CCT6B: variants seen among roughly 807,000 people sequenced by gnomAD.
CCT6B encodes chaperonin containing TCP1 subunit 6B.
CCT6B carries 49 observed loss-of-function variants against 61.5 expected under a neutral mutation model. The ratio of observed to expected loss-of-function variants is 0.80; its 90% CI spans 0.63 to 1.01. CCT6B has a LOEUF of 1.01. Ranked by LOEUF, CCT6B falls within the 50% of genes least tolerant of loss-of-function variation. The pLI is 0.00. For missense variants in CCT6B, 666 were observed against 634.7 expected (o/e 1.05, Z -0.53); for synonymous variants, 228 against 214.5 (o/e 1.06, Z -0.55).
intron 1 of CCT6B, among the ~76,000 whole-genome samples, chr17:34,959,876 A>G (rs1195526995): frequency 6.6e-6 from 1 of 152,254 alleles, no homozygotes; most frequent in African/African-American, 2.4e-5. Context: ...TTTAAAGATA[A>G]AAGCACTTGA....
At chr17:34,928,181 A>G in intron 13 of CCT6B, 64 bp from the exon 14 acceptor site, 1 of 983,414 alleles carries the variant, frequency 1.0e-6, no homozygotes, top group Non-Finnish European at 1.6e-6. Flanking sequence ...TTTCCCCAGC[A>G]ATCTTTACCT....
intron 7 of CCT6B, 58 bp downstream of exon 7, chr17:34,942,426 C>T (rs2090174101): frequency 2.8e-6 from 4 of 1,441,846 alleles, no homozygotes; most frequent in Non-Finnish European, 3.8e-6. Context: ...ACAGACCACA[C>T]TTCAAGAAAT....
chr17:34,943,793 A>T (rs1043649568), intron 5 of CCT6B: 4 of 145,084 alleles, frequency 2.8e-5, no homozygotes, highest in Non-Finnish European at 4.6e-5. Context: ...AATAAATTTA[A>T]AAAAAAAAAC....
At chr17:34,949,512 G>A (rs2090267332) in intron 5 of CCT6B, 3 of 148,262 alleles carry the variant, frequency 2.0e-5, no homozygotes, top group Non-Finnish European at 4.5e-5. Flanking sequence ...AAGGAAGGAG[G>A]GAGGGAGGGA....
Position 34,927,960 on chromosome 17 carries a change from T to C in CCT6B, c.*88A>G. The C allele has an allele frequency of 1.2e-6, 1 of 856,912 alleles. No individual in the cohort carries two copies. The highest frequency in any genetic ancestry group is 1.8e-6 in the Non-Finnish European group (1 of 558,056). The allele number at this position is 856,912 out of a possible 1,614,324, so 53.1% of individuals were successfully genotyped here. A position where few individuals can be genotyped will look rare whatever the true frequency, so the allele number is the denominator to read the frequency against. On this transcript the variant is annotated 3_prime_UTR_variant, in exon 14 of 14. Transcript: ENST00000314144. ...ATAAACTGCATTTATTGTGTAGAAATTCAGAATGGCTCAGGCTACACAATA... is the reference window on the plus strand; with the variant it reads ...ATAAACTGCATTTATTGTGTAGAAACTCAGAATGGCTCAGGCTACACAATA...
intron 1 of CCT6B, 152 bp downstream of exon 1, chr17:34,961,105 C>A (rs924876475): frequency 9.9e-7 from 1 of 1,012,530 alleles, no homozygotes; most frequent in Non-Finnish European, 1.4e-6. Flanking sequence ...TCCACCTGCA[C>A]CAGGCGAGAA....
intron 10 of CCT6B, 66 bp downstream of exon 10, chr17:34,939,117 G>GTATA (rs753278216): frequency 8.2e-7 from 1 of 1,217,700 alleles, no homozygotes; most frequent in African/African-American, 1.5e-5. Context: ...AGGTGTGTGT[G>GTATA]TATATATATA....
In CCT6B at chr17:34,928,119, T is replaced by G; in HGVS notation, c.1524-2A>C. On this transcript the variant is annotated splice_acceptor_variant, in intron 13 of 13. Coordinates refer to ENST00000314144, the MANE Select transcript of CCT6B (RefSeq NM_006584.4). LOFTEE classifies it high-confidence loss of function. ...AGAATGTTGGTGGCAATCACTGTGC[T>G]AAGGAAAAAGATGAGAGGGTGAGTA... The G allele has an allele frequency of 6.2e-7, 1 of 1,608,114 alleles. No homozygotes were observed. The highest frequency in any genetic ancestry group is 8.5e-7 in the Non-Finnish European group (1 of 1,176,580).
Position 34,942,481 on chromosome 17 carries a change from C to T in CCT6B, c.885+3G>A. On this transcript the variant is annotated splice_donor_region_variant and intron_variant, in intron 7 of 13. Transcript: ENST00000314144. ...TAACTAAAATCTAAACTTTCTTTCT[C>T]ACCTTTTGATTAATGACGACAAATC... The T allele has an allele frequency of 6.3e-7, 1 of 1,583,074 alleles. No homozygotes were observed. The highest frequency in any genetic ancestry group is 8.5e-7 in the Non-Finnish European group (1 of 1,170,878).
intron 10 of CCT6B, among the ~76,000 whole-genome samples, chr17:34,935,906 G>C (rs1222993032): frequency 2.0e-5 from 3 of 151,510 alleles, no homozygotes; most frequent in Non-Finnish European, 2.9e-5. Context: ...TGCACAAGAA[G>C]CATTTGGCAT....
chr17:34,961,435 G>C lies in CCT6B; in HGVS notation c.-42C>G. On this transcript the variant is annotated 5_prime_UTR_variant, in exon 1 of 14. Transcript: ENST00000314144. ...GGGAGAAAAAAAAAAAGCCTTAGTC[G>C]CGATTCTGAGCAAAAACGGCAATGC... The C allele has an allele frequency of 6.4e-7, 1 of 1,562,970 alleles. No individual in the cohort carries two copies. Among genetic ancestry groups the C allele is most frequent in the Non-Finnish European group, 8.6e-7 (1 of 1,159,632 alleles).
rs1393693598 is a variant in CCT6B at position 34,942,919 on chromosome 17, T to C, written c.615-13A>G. The C allele has an allele frequency of 2.1e-6, 3 of 1,424,410 alleles. No homozygotes were observed. The highest frequency in any genetic ancestry group is 2.9e-6 in the Non-Finnish European group (3 of 1,032,360). The allele number at this position is 1,424,410 out of a possible 1,614,324, so 88.2% of individuals were successfully genotyped here. Reference sequence around the variant, plus strand: ...TCCTTGGATCAACCTATTAAAAATATTAATGTTTCTTACTTTGAATATATA... The same window carrying C: ...TCCTTGGATCAACCTATTAAAAATACTAATGTTTCTTACTTTGAATATATA... On this transcript the variant is annotated splice_polypyrimidine_tract_variant and intron_variant, in intron 5 of 13. Transcript: ENST00000314144.
chr17:34,937,156 TA>T (rs561802904), intron 10 of CCT6B, among the ~76,000 whole-genome samples: 174 of 147,946 alleles, frequency 1.2e-3, no homozygotes, highest in Admixed American at 4.7e-3. Context: ...AGATCCTTTC[TA>T]AAAAAAAAAG....
In CCT6B at chr17:34,942,794, AC is replaced by A. The variant is rs1215165194; in HGVS notation, c.725+1del. 1 of 1,581,364 alleles carries A rather than the reference AC, an allele frequency of 6.3e-7. No homozygotes were observed. Among genetic ancestry groups the A allele is most frequent in the Non-Finnish European group, 8.6e-7 (1 of 1,159,384 alleles). On this transcript the variant is annotated splice_donor_variant, in intron 6 of 13. Coordinates refer to ENST00000314144, the MANE Select transcript of CCT6B (RefSeq NM_006584.4). LOFTEE classifies it high-confidence loss of function. Reference sequence around the variant, plus strand: ...AAGTTATAAAGAGAAAGTAACACGCACGTTTTTTCATATTCCAGTGAAACGT... The same window carrying A: ...AAGTTATAAAGAGAAAGTAACACGCAGTTTTTTCATATTCCAGTGAAACGT...
chr17:34,937,836 C>A (rs1435349398), intron 10 of CCT6B, among the ~76,000 whole-genome samples: 1 of 151,798 alleles, frequency 6.6e-6, no homozygotes, highest in East Asian at 1.9e-4. Context: ...ATACAAAGAA[C>A]TCTCAAACTC....
chr17:34,959,483 A>T (rs2090387049), intron 2 of CCT6B, 104 bp downstream of exon 2: 3 of 831,798 alleles, frequency 3.6e-6, no homozygotes, highest in African/African-American at 3.4e-5. Context: ...ATATCTCAAG[A>T]CTGCAGTATT....
At chr17:34,935,952 G>C (rs1039118513) in intron 10 of CCT6B, among the ~76,000 whole-genome samples, 17 of 150,220 alleles carry the variant, frequency 1.1e-4, no homozygotes, top group Non-Finnish European at 2.5e-4. Context: ...TGTGTGTTTT[G>C]ACAAAAAACA....
intron 11 of CCT6B, 27 bp from the exon 12 acceptor site, chr17:34,931,078 A>T (rs1194706507): frequency 8.9e-6 from 7 of 782,710 alleles, no homozygotes; most frequent in Non-Finnish European, 1.3e-5. Flanking sequence ...AATAATATAT[A>T]TTATATATAT....
chr17:34,943,864 A>G (rs1402153976), intron 5 of CCT6B: 2 of 151,614 alleles, frequency 1.3e-5, no homozygotes, highest in Non-Finnish European at 2.9e-5. Flanking sequence ...ATGCCTGGGT[A>G]GTAGGAATAT....
Sources: gnomAD v4.1 joint callset for allele counts (sites outside exome capture counted in the v4.1 genomes callset) on GRCh38, gnomAD v4.1.1 for gene constraint, MANE v1.5 for transcripts, NCBI Gene and HGNC (gene_info 2026-07-23, HGNC 2026-07-21) for gene names.